Variants in AMMECR1L observed in about 807,000 individuals in gnomAD.
AMMECR1L encodes AMMECR1-like protein.
In AMMECR1L, 4 loss-of-function variants were observed where a neutral mutation model predicts 36.8. The ratio of observed to expected loss-of-function variants is 0.11; its 90% CI spans 0.05 to 0.25. The LOEUF is 0.25. AMMECR1L is among the 10% of genes least tolerant of loss of function. AMMECR1L has a pLI of 1.00. For synonymous variants in AMMECR1L, 147 were observed against 148.0 expected, an observed-to-expected ratio of 0.99 and a Z score of 0.05; for missense variants, 232 against 392.1, an observed-to-expected ratio of 0.59 and a Z score of 3.45.
At chr2:127,870,763 C>T (rs1249819888) in intron 5 of AMMECR1L, 51 bp downstream of exon 5, 3 of 1,475,416 alleles carry the variant, frequency 2.0e-6, no homozygotes, top group Non-Finnish European at 2.8e-6. Flanking sequence ...TGTACTAACC[C>T]GAACCCAAAT....
intron 6 of AMMECR1L, among the ~76,000 whole-genome samples, chr2:127,868,957 T>A (rs1690832525): frequency 6.6e-6 from 1 of 152,162 alleles, no homozygotes; most frequent in African/African-American, 2.4e-5. Context: ...TCTCTTGACC[T>A]TGTGATCCGC....
chr2:127,882,491 C>G (rs1412294235), intron 2 of AMMECR1L, among the ~76,000 whole-genome samples: 2 of 152,168 alleles, frequency 1.3e-5, no homozygotes, highest in East Asian at 3.8e-4. Context: ...TTCTGGTAAC[C>G]ATACCAAATA....
chr2:127,862,176 G>A lies in AMMECR1L; in HGVS notation c.*2918C>T, dbSNP rs1441338102. ...AATGTCCTAGCTGTGGGTATTATGA[G>A]ACAAGCCAACTTTCCAGACCAAAAG... is the stretch of plus-strand genomic sequence containing the variant. On this transcript the variant is annotated 3_prime_UTR_variant, in exon 8 of 8. Coordinates refer to ENST00000272647, the MANE Select transcript of AMMECR1L (RefSeq NM_001199140.2). The A allele has an allele frequency of 3.3e-5, 5 of 153,702 alleles. No homozygotes were observed. The highest frequency in any genetic ancestry group is 7.3e-5 in the Non-Finnish European group (5 of 68,040). 9.5% of individuals were successfully genotyped at this position (153,702 alleles called of 1,614,324 possible).
intron 2 of AMMECR1L, among the ~76,000 whole-genome samples, chr2:127,877,905 T>C (rs575855303): frequency 1.3e-5 from 2 of 151,688 alleles, no homozygotes; most frequent in Admixed American, 6.6e-5. Flanking sequence ...CTACATAAAA[T>C]AAATTAGCTG....
Position 127,871,031 on chromosome 2 carries a change from GTATC to G in AMMECR1L, c.519-107_519-104del. On this transcript the variant is annotated intron_variant, in intron 4 of 7. Transcript: ENST00000272647. This position sits in a 1 kb window ranked among gnomAD's most constrained non-coding sequence, Gnocchi z 4.3. Reference sequence around the variant, plus strand: ...TTATGAATCTTGAGCTATGCAGAGAGTATCTATTGTTCATCAACACTAACATGTT... The same window carrying G: ...TTATGAATCTTGAGCTATGCAGAGAGTATTGTTCATCAACACTAACATGTT... 2 of 973,228 alleles carry G rather than the reference GTATC, an allele frequency of 2.1e-6. No individual in the cohort carries two copies. Among genetic ancestry groups the G allele is most frequent in the Middle Eastern group, 2.2e-4 (1 of 4,522 alleles). 60.3% of individuals were successfully genotyped at this position (973,228 alleles called of 1,614,324 possible).
intron 2 of AMMECR1L, among the ~76,000 whole-genome samples, chr2:127,877,990 T>C (rs1691325791): frequency 6.6e-6 from 1 of 151,954 alleles, no homozygotes; most frequent in Non-Finnish European, 1.5e-5. Flanking sequence ...GCCCAGGAGG[T>C]TGAGGCTGCA....
chr2:127,883,944 A>G (rs1434388836), intron 2 of AMMECR1L, among the ~76,000 whole-genome samples: 1 of 152,166 alleles, frequency 6.6e-6, no homozygotes. Flanking sequence ...AGACCTTACA[A>G]ACTAGAAATA....
At chr2:127,868,033 C>T (rs1690776381) in intron 6 of AMMECR1L, among the ~76,000 whole-genome samples, 1 of 152,164 alleles carries the variant, frequency 6.6e-6, no homozygotes, top group South Asian at 2.1e-4. Flanking sequence ...TGCCACCACA[C>T]CCAGCTGAAT....
rs546171982 is a variant in AMMECR1L, at chr2:127,864,724, G to A, written c.*370C>T. The A allele has an allele frequency of 6.2e-6, 1 of 161,936 alleles. No individual in the cohort carries two copies. Among genetic ancestry groups the A allele is most frequent in the African/African-American group, 2.4e-5 (1 of 41,936 alleles). The allele number at this position is 161,936 out of a possible 1,614,324, so 10.0% of individuals were successfully genotyped here. ...CTTCATCTGGGGAGGCTGCAGGGGT[G>A]TGTGTGGGTTCAACCTTCAGGGATC... On this transcript the variant is annotated 3_prime_UTR_variant, in exon 8 of 8. Transcript: ENST00000272647.
intron 2 of AMMECR1L, among the ~76,000 whole-genome samples, chr2:127,876,679 T>A (rs1169448175): frequency 6.6e-6 from 1 of 152,090 alleles, no homozygotes; most frequent in African/African-American, 2.4e-5. Flanking sequence ...ACAGGAATAA[T>A]AATAGTATTT....
intron 6 of AMMECR1L, among the ~76,000 whole-genome samples, chr2:127,868,791 C>A (rs1690824353): frequency 6.6e-6 from 1 of 151,614 alleles, no homozygotes; most frequent in Non-Finnish European, 1.5e-5. Flanking sequence ...ATGGCACGAT[C>A]TTGGCTCACT....
At chr2:127,880,924 T>C (rs1453340002) in intron 2 of AMMECR1L, among the ~76,000 whole-genome samples, 4 of 152,190 alleles carry the variant, frequency 2.6e-5, no homozygotes, top group Admixed American at 6.5e-5. Context: ...ACAATCTCCA[T>C]TCTATTCAGC....
intron 6 of AMMECR1L, among the ~76,000 whole-genome samples, chr2:127,868,540 C>T (rs1690808494): frequency 6.6e-6 from 1 of 152,170 alleles, no homozygotes; most frequent in Non-Finnish European, 1.5e-5. Flanking sequence ...TCATACCCAA[C>T]AAATACTGTG....
In AMMECR1L at chr2:127,867,786, A is replaced by AAGAGGAAGG. The variant is rs962551292; in HGVS notation, c.725-799_725-791dup. Reference sequence around the variant, plus strand: ...AGGGAAAGACAGGAAGAGGAAGAGGAAGAGGAAGGAAAGGAAGGAAGGAAG... The same window carrying AAGAGGAAGG: ...AGGGAAAGACAGGAAGAGGAAGAGGAAGAGGAAGGAGAGGAAGGAAAGGAAGGAAGGAAG... On this transcript the variant is annotated intron_variant, in intron 6 of 7. Coordinates refer to ENST00000272647, the MANE Select transcript of AMMECR1L (RefSeq NM_001199140.2). 8.3e-4 allele frequency among the ~76,000 whole-genome samples: 126 copies of AAGAGGAAGG among 152,178 alleles called. 2 individuals are homozygous for AAGAGGAAGG. The highest frequency in any genetic ancestry group is 1.5e-3 in the South Asian group (7 of 4,822).
chr2:127,872,913 C>T, intron 3 of AMMECR1L: 1 of 879,650 alleles, frequency 1.1e-6, no homozygotes, highest in Non-Finnish European at 1.4e-6. Context: ...CACTTCCCTC[C>T]AGGTTTCCTC....
At chr2:127,870,965 G>A (rs770783003) in intron 4 of AMMECR1L, 37 bp from the exon 5 acceptor site, 3 of 1,505,112 alleles carry the variant, frequency 2.0e-6, no homozygotes, top group African/African-American at 2.8e-5. Flanking sequence ...AGGCTGCTCT[G>A]GAGTCAGGAG....
Position 127,873,005 on chromosome 2 carries a change from A to G in AMMECR1L, c.407+823T>C, listed in dbSNP as rs1196561208. On this transcript the variant is annotated intron_variant, in intron 3 of 7. Coordinates refer to ENST00000272647, the MANE Select transcript of AMMECR1L (RefSeq NM_001199140.2). This position sits in a 1 kb window ranked among gnomAD's most constrained non-coding sequence, Gnocchi z 5.2. ...GCCAACCTGACAGGCCTCCCAAGGG[A>G]AGAGGCTCCTTTTCTTCACACCCTC... 1 of 985,248 alleles carries G rather than the reference A, an allele frequency of 1.0e-6. No individual in the cohort carries two copies. The highest frequency in any genetic ancestry group is 1.2e-6 in the Non-Finnish European group (1 of 829,916). The allele number at this position is 985,248 out of a possible 1,614,324, so 61.0% of individuals were successfully genotyped here.
rs1426764218 is a variant in AMMECR1L, at chr2:127,869,533, A to G, written c.645T>C (p.His215=). ...CATTAATGAATTCAATTCGAATCCC[A>G]TGGACCCCTACCTATAGAAAAAAGT... ...SDYLDWEVGV[H]GIRIEFINEK... Residue 215 remains histidine, a synonymous_variant, in exon 6 of 8, where the codon CAT becomes CAC. Coordinates refer to ENST00000272647, the MANE Select transcript of AMMECR1L (RefSeq NM_001199140.2). This position sits in a 1 kb window ranked among gnomAD's most constrained non-coding sequence, Gnocchi z 4.7. The G allele has an allele frequency of 6.2e-7, 1 of 1,613,782 alleles. No individual in the cohort carries two copies. The highest frequency in any genetic ancestry group is 1.1e-5 in the South Asian group (1 of 91,076).
chr2:127,865,215 G>C lies in AMMECR1L; in HGVS notation c.822-10C>G, dbSNP rs375173899. The C allele has an allele frequency of 8.1e-5, 130 of 1,601,668 alleles. No individual in the cohort carries two copies. The highest frequency in any genetic ancestry group is 1.0e-4 in the Non-Finnish European group (119 of 1,170,882). ...CTTCTCACTTCGGTACCTGTATGAG[G>C]AAACAGGAAAGGGTATTAGGAACCC... On this transcript the variant is annotated splice_polypyrimidine_tract_variant and intron_variant, in intron 7 of 7. Transcript: ENST00000272647. This position sits in a 1 kb window ranked among gnomAD's most constrained non-coding sequence, Gnocchi z 5.4.
Sources: gnomAD v4.1 joint callset for allele counts (sites outside exome capture counted in the v4.1 genomes callset) on GRCh38, gnomAD v4.1.1 for gene constraint, Gnocchi (gnomAD v3.1) non-coding constraint, MANE v1.5 for transcripts, NCBI Gene and HGNC (gene_info 2026-07-23, HGNC 2026-07-21) for gene names.